SWT1: variants seen among roughly 807,000 people sequenced by gnomAD.
SWT1 encodes SWT1 RNA endoribonuclease homolog, also known as transcriptional protein SWT1.
In SWT1, 33 loss-of-function variants were observed where a neutral mutation model predicts 107.3. The observed-to-expected ratio is 0.31, with a 90% CI of 0.23 to 0.41. SWT1 has a LOEUF of 0.41. Ranked by LOEUF, SWT1 falls within the 10% of genes least tolerant of loss-of-function variation. The pLI is 1.00. For synonymous variants in SWT1, 345 were observed against 348.3 expected (o/e 0.99, Z 0.11); for missense variants, 898 against 1,028.9 (o/e 0.87, Z 1.74).
At chr1:185,286,226 TTTTG>T (rs991613920) in intron 18 of SWT1, among the ~76,000 whole-genome samples, 1 of 151,868 alleles carries the variant, frequency 6.6e-6, no homozygotes, top group African/African-American at 2.4e-5. Context: ...CAGCAGTGGT[TTTTG>T]TTTTTGTTTT....
chr1:185,220,130 C>A (rs1270087760), intron 14 of SWT1, among the ~76,000 whole-genome samples: 2 of 98,380 alleles, frequency 2.0e-5, no homozygotes, highest in Non-Finnish European at 1.9e-5. Context: ...CAGAATGAGA[C>A]CCTGTCTCAA....
chr1:185,284,943 C>CA (rs1468776052), intron 18 of SWT1, among the ~76,000 whole-genome samples: 9 of 151,276 alleles, frequency 5.9e-5, no homozygotes, highest in African/African-American at 2.2e-4. Context: ...TACTTACTGG[C>CA]AGTGACTGAG....
At chr1:185,256,233 T>G (rs1489911289) in intron 16 of SWT1, among the ~76,000 whole-genome samples, 1 of 151,858 alleles carries the variant, frequency 6.6e-6, no homozygotes, top group African/African-American at 2.4e-5. Flanking sequence ...TCATTTCAAG[T>G]TTGGTGAATC....
In SWT1 at chr1:185,175,116, A is replaced by G. The variant is rs750083930; in HGVS notation, c.966+3A>G. On this transcript the variant is annotated splice_donor_region_variant and intron_variant, in intron 5 of 18. Coordinates refer to ENST00000367500, the MANE Select transcript of SWT1 (RefSeq NM_017673.7). ...ATTCTAGGGAAAACCTAACCCAGGT[A>G]AGGTAGTAAAAAATGAAGAATATAG... 3.3e-6 allele frequency: 5 copies of G among 1,503,036 alleles called. No individual in the cohort carries two copies. In the South Asian group the frequency reaches 7.0e-5, roughly 21 times the overall value. 93.1% of individuals were successfully genotyped at this position (1,503,036 alleles called of 1,614,324 possible). A position where few individuals can be genotyped will look rare whatever the true frequency, so the allele number is the denominator to read the frequency against.
intron 6 of SWT1, among the ~76,000 whole-genome samples, chr1:185,181,059 G>A (rs552000400): frequency 1.3e-5 from 2 of 152,286 alleles, no homozygotes; most frequent in African/African-American, 4.8e-5. Flanking sequence ...CCCGAGGTCA[G>A]GAGTTCGAGA....
At chr1:185,219,478 T>G (rs1659470106) in intron 14 of SWT1, among the ~76,000 whole-genome samples, 2 of 152,260 alleles carry the variant, frequency 1.3e-5, no homozygotes, top group Non-Finnish European at 1.5e-5. Context: ...TTTAAAAAAA[T>G]TTTAATATGT....
At chr1:185,163,927 G>A (rs1352256295) in intron 2 of SWT1, among the ~76,000 whole-genome samples, 1 of 152,134 alleles carries the variant, frequency 6.6e-6, no homozygotes, top group East Asian at 1.9e-4. Context: ...TTTCTAGAAG[G>A]TTTTCAATTT....
chr1:185,252,090 C>A (rs1324832959), intron 16 of SWT1, among the ~76,000 whole-genome samples: 2 of 152,074 alleles, frequency 1.3e-5, no homozygotes, highest in Non-Finnish European at 2.9e-5. Flanking sequence ...TGATGATTTC[C>A]AATTTCATCC....
Position 185,195,771 on chromosome 1 carries a change from T to C in SWT1, c.1523+5129T>C, listed in dbSNP as rs117443436. Among the ~76,000 whole-genome samples, 905 of 152,374 alleles carry C rather than the reference T, an allele frequency of 5.9e-3. 34 individuals carry two copies. The East Asian group carries it at 0.096, about 16-fold the overall frequency. ...CAGTAATGATGAGCCTTTTTCCATA[T>C]GTTTGTTGACACATAAATGTCTTCT... On this transcript the variant is annotated intron_variant, in intron 10 of 18. Coordinates refer to ENST00000367500, the MANE Select transcript of SWT1 (RefSeq NM_017673.7).
chr1:185,158,906 G>A (rs770216470), intron 1 of SWT1, among the ~76,000 whole-genome samples: 2 of 152,182 alleles, frequency 1.3e-5, no homozygotes, highest in Non-Finnish European at 2.9e-5. Flanking sequence ...GAAGATATGT[G>A]CCAGGGCTGC....
At chr1:185,188,280 A>G (rs1358183766) in intron 9 of SWT1, among the ~76,000 whole-genome samples, 1 of 152,212 alleles carries the variant, frequency 6.6e-6, no homozygotes, top group Non-Finnish European at 1.5e-5. Flanking sequence ...TCTGCTCCAT[A>G]TATCTTAGAA....
chr1:185,185,783 A>G (rs1426140433), intron 9 of SWT1, among the ~76,000 whole-genome samples: 1 of 152,124 alleles, frequency 6.6e-6, no homozygotes, highest in Non-Finnish European at 1.5e-5. Flanking sequence ...ATTTTTGTTT[A>G]GTCTTAAAAT....
intron 16 of SWT1, chr1:185,263,391 C>T (rs1358819643): frequency 6.6e-6 from 1 of 152,178 alleles, no homozygotes; most frequent in Non-Finnish European, 1.5e-5. Flanking sequence ...AAGTTAGGAT[C>T]CCATGGTCCC....
intron 16 of SWT1, among the ~76,000 whole-genome samples, chr1:185,245,233 T>A (rs1332882906): frequency 2.0e-5 from 3 of 152,194 alleles, no homozygotes; most frequent in South Asian, 2.1e-4. Context: ...TTTATAACAA[T>A]TTTTATTTAT....
chr1:185,226,832 T>A (rs1281896648), intron 15 of SWT1: 1 of 1,527,588 alleles, frequency 6.5e-7, no homozygotes, highest in East Asian at 2.3e-5. Context: ...GCTCCTGAGC[T>A]CTGAGGAAGC....
intron 11 of SWT1, 101 bp downstream of exon 11, chr1:185,202,900 A>G: frequency 1.7e-6 from 1 of 604,256 alleles, no homozygotes; most frequent in Non-Finnish European, 2.5e-6. Context: ...TTGTACATTT[A>G]AAATAACATC....
intron 13 of SWT1, 96 bp downstream of exon 13, chr1:185,206,859 G>C: frequency 7.9e-6 from 7 of 884,882 alleles, no homozygotes; most frequent in Non-Finnish European, 1.1e-5. Flanking sequence ...TGAAGAATTT[G>C]TTAATTAGTT....
At chr1:185,214,229 T>C (rs1270280592) in intron 13 of SWT1, among the ~76,000 whole-genome samples, 1 of 152,048 alleles carries the variant, frequency 6.6e-6, no homozygotes, top group Non-Finnish European at 1.5e-5. Flanking sequence ...TTCTGGGGAG[T>C]GTAATATTCT....
At chr1:185,218,100 A>G (rs1287858753) in intron 14 of SWT1, among the ~76,000 whole-genome samples, 1 of 152,168 alleles carries the variant, frequency 6.6e-6, no homozygotes, top group Admixed American at 6.6e-5. Flanking sequence ...TATAGAATGT[A>G]TTAGATTTGA....
Sources: allele counts gnomAD v4.1 joint callset (sites outside exome capture counted in the v4.1 genomes callset), GRCh38; gene constraint gnomAD v4.1.1; transcripts MANE v1.5; gene names NCBI Gene and HGNC (gene_info 2026-07-23, HGNC 2026-07-21).